ZNF521: variants seen among roughly 807,000 people sequenced by gnomAD.
ZNF521 encodes the protein LYST-interacting protein 3.
In ZNF521, 14 loss-of-function variants were observed where a neutral mutation model predicts 105.5. That is an observed-to-expected ratio of 0.13 (90% CI 0.09 to 0.21). The LOEUF (loss-of-function observed/expected upper bound fraction) is 0.21, where lower values mean the gene tolerates loss of function less well. Among genes scored for constraint, ZNF521 ranks in the 10% least tolerant of loss-of-function variants. The pLI is 1.00. For missense variants in ZNF521, 1,233 were observed against 1,629.7 expected, an observed-to-expected ratio of 0.76 and a Z score of 4.19; for synonymous variants, 635 against 606.0, an observed-to-expected ratio of 1.05 and a Z score of -0.70.
intron 7 of ZNF521, among the ~76,000 whole-genome samples, chr18:25,066,793 C>A (rs866419022): frequency 6.6e-6 from 1 of 152,174 alleles, no homozygotes; most frequent in Admixed American, 6.5e-5. Flanking sequence ...CCAGGCCATC[C>A]ACAAGCAGCC....
Position 25,351,001 on chromosome 18 carries a change from TCCTCGTGGCCGCGCGCC to T in ZNF521, c.-1-71_-1-55del, listed in dbSNP as rs907083414. On this transcript the variant is annotated intron_variant, in intron 1 of 7. Coordinates refer to ENST00000361524, the MANE Select transcript of ZNF521 (RefSeq NM_015461.3). ...ATTCAGCCCTGAAAGAAACTATACT[TCCTCGTGGCCGCGCGCC>T]CCTCGGGCCGCGGCGCCTCGCGCCC... 6.8e-5 allele frequency: 97 copies of T among 1,422,040 alleles called. 1 individual carries two copies. In the South Asian group the frequency reaches 7.5e-4, roughly 11 times the overall value. The allele number at this position is 1,422,040 out of a possible 1,614,324, so 88.1% of individuals were successfully genotyped here.
At chr18:25,127,331 C>T (rs1390359115) in intron 5 of ZNF521, among the ~76,000 whole-genome samples, 2 of 151,936 alleles carry the variant, frequency 1.3e-5, no homozygotes, top group South Asian at 2.1e-4. Context: ...ATAGAGACTT[C>T]CTAGCAGAGT....
chr18:25,277,033 A>C (rs1394124898), intron 3 of ZNF521, among the ~76,000 whole-genome samples: 1 of 152,126 alleles, frequency 6.6e-6, no homozygotes, highest in Non-Finnish European at 1.5e-5. Context: ...AAATACAAAA[A>C]TTAGCCGAGT....
At chr18:25,191,554 T>C (rs2035818758) in intron 5 of ZNF521, among the ~76,000 whole-genome samples, 1 of 152,202 alleles carries the variant, frequency 6.6e-6, no homozygotes, top group Non-Finnish European at 1.5e-5. Flanking sequence ...CTAGTTGCAA[T>C]GCCAACCTCC....
chr18:25,248,055 A>C (rs1373787563), intron 3 of ZNF521, among the ~76,000 whole-genome samples: 1 of 152,216 alleles, frequency 6.6e-6, no homozygotes, highest in East Asian at 1.9e-4. Context: ...GATAAAAATC[A>C]TAGTTTTGAA....
chr18:25,216,714 A>C (rs1351856038), intron 4 of ZNF521, among the ~76,000 whole-genome samples: 1 of 152,090 alleles, frequency 6.6e-6, no homozygotes, highest in Non-Finnish European at 1.5e-5. Flanking sequence ...GTGCACCACC[A>C]CACCTGATTA....
At chr18:25,133,408 T>C (rs1488934016) in intron 5 of ZNF521, among the ~76,000 whole-genome samples, 1 of 152,170 alleles carries the variant, frequency 6.6e-6, no homozygotes, top group Non-Finnish European at 1.5e-5. Flanking sequence ...GGCAATGATG[T>C]AATTTTAATT....
intron 4 of ZNF521, among the ~76,000 whole-genome samples, chr18:25,222,960 C>T (rs565661132): frequency 1.2e-3 from 182 of 152,280 alleles, no homozygotes; most frequent in African/African-American, 4.0e-3. Flanking sequence ...AGAGAAAACG[C>T]TACAAAATAT....
intron 4 of ZNF521, among the ~76,000 whole-genome samples, chr18:25,200,130 A>G (rs1164574069): frequency 6.6e-6 from 1 of 152,150 alleles, no homozygotes; most frequent in Non-Finnish European, 1.5e-5. Context: ...CACAGTTTAT[A>G]TTCTGGTCAT....
chr18:25,266,715 G>A (rs543950425), intron 3 of ZNF521, among the ~76,000 whole-genome samples: 1 of 152,210 alleles, frequency 6.6e-6, no homozygotes, highest in Non-Finnish European at 1.5e-5. Context: ...GGTGCACTCC[G>A]GCCCAGATAC....
chr18:25,240,807 C>A (rs2144796754), intron 3 of ZNF521, among the ~76,000 whole-genome samples: 1 of 152,128 alleles, frequency 6.6e-6, no homozygotes, highest in Middle Eastern at 3.4e-3. Flanking sequence ...AGATTAAAAA[C>A]CCCATGGAAG....
intron 5 of ZNF521, among the ~76,000 whole-genome samples, chr18:25,130,946 A>AAATC (rs56985443): frequency 0.042 from 6,306 of 150,922 alleles, 155 homozygotes; most frequent in African/African-American, 0.061. Context: ...CTGTCTCTAA[A>AAATC]AATCAATCAA....
chr18:25,116,113 C>T (rs529296486), intron 5 of ZNF521, among the ~76,000 whole-genome samples: 1 of 152,234 alleles, frequency 6.6e-6, no homozygotes, highest in Admixed American at 6.5e-5. Context: ...ATGGTATTCT[C>T]CTGTGGCACT....
chr18:25,062,449 T>C lies in ZNF521; in HGVS notation c.*263A>G. The C allele has an allele frequency of 2.4e-6, 1 of 411,668 alleles. No homozygotes were observed. The allele number at this position is 411,668 out of a possible 1,614,324, so 25.5% of individuals were successfully genotyped here. A position where few individuals can be genotyped will look rare whatever the true frequency, so the allele number is the denominator to read the frequency against. On this transcript the variant is annotated 3_prime_UTR_variant, in exon 8 of 8. Coordinates refer to ENST00000361524, the MANE Select transcript of ZNF521 (RefSeq NM_015461.3). Reference sequence around the variant, plus strand: ...TTTTTTTTTTTTAATCTTGCCTGAATAGGGCCCAAGTCCACTTGTCTTTAT... The same window carrying C: ...TTTTTTTTTTTTAATCTTGCCTGAACAGGGCCCAAGTCCACTTGTCTTTAT...
chr18:25,209,518 A>G (rs1242457801), intron 4 of ZNF521, among the ~76,000 whole-genome samples: 1 of 152,186 alleles, frequency 6.6e-6, no homozygotes, highest in Non-Finnish European at 1.5e-5. Context: ...AATACTGTGT[A>G]TGTGATTCAT....
chr18:25,289,219 A>C (rs1003964113), intron 3 of ZNF521, among the ~76,000 whole-genome samples: 27 of 152,236 alleles, frequency 1.8e-4, no homozygotes, highest in African/African-American at 6.3e-4. Flanking sequence ...GGAAAACTGG[A>C]CTTCGGTTAT....
At chr18:25,237,935 A>G (rs959514921) in intron 3 of ZNF521, among the ~76,000 whole-genome samples, 4 of 152,248 alleles carry the variant, frequency 2.6e-5, no homozygotes, top group African/African-American at 9.6e-5. Flanking sequence ...ATGAAACATA[A>G]GATTTAAGAC....
intron 3 of ZNF521, among the ~76,000 whole-genome samples, chr18:25,228,791 C>T (rs1177361283): frequency 6.6e-6 from 1 of 152,178 alleles, no homozygotes; most frequent in African/African-American, 2.4e-5. Flanking sequence ...TCTTAGCAAA[C>T]GTGCACTGTT....
intron 3 of ZNF521, among the ~76,000 whole-genome samples, chr18:25,301,055 A>G (rs1379122774): frequency 6.6e-6 from 1 of 152,238 alleles, no homozygotes; most frequent in Non-Finnish European, 1.5e-5. Context: ...TTTTCCAATT[A>G]GCAAATATGA....
Sources: gnomAD v4.1 joint callset for allele counts (sites outside exome capture counted in the v4.1 genomes callset) on GRCh38, gnomAD v4.1.1 for gene constraint, MANE v1.5 for transcripts, NCBI Gene and HGNC (gene_info 2026-07-23, HGNC 2026-07-21) for gene names.